Variants in EYS observed in about 807,000 individuals in gnomAD.
The protein encoded by EYS is protein eyes shut homolog.
In EYS, 250 loss-of-function variants were observed where a neutral mutation model predicts 282.1. The ratio of observed to expected loss-of-function variants is 0.89; its 90% CI spans 0.80 to 0.98. EYS has a LOEUF of 0.98. Among genes scored for constraint, EYS ranks in the 50% least tolerant of loss-of-function variants. The pLI is 0.00. For missense variants in EYS, 4,016 were observed against 3,709.0 expected (o/e 1.08, Z -2.15); for synonymous variants, 1,355 against 1,282.9 (o/e 1.06, Z -1.20).
chr6:64,188,936 A>G (rs1451656776), intron 31 of EYS, among the ~76,000 whole-genome samples: 1 of 152,162 alleles, frequency 6.6e-6, no homozygotes, highest in Non-Finnish European at 1.5e-5. Flanking sequence ...TCTAGAATTA[A>G]AGACCTAGAA....
chr6:64,360,469 G>A (rs1039053345), intron 29 of EYS, among the ~76,000 whole-genome samples: 2 of 151,682 alleles, frequency 1.3e-5, no homozygotes, highest in African/African-American at 4.8e-5. Flanking sequence ...TCTTGGGCTA[G>A]ACCTTCTTGG....
intron 14 of EYS, among the ~76,000 whole-genome samples, chr6:64,956,544 A>T (rs6455018): frequency 2.0e-5 from 3 of 151,880 alleles, no homozygotes; most frequent in African/African-American, 7.3e-5. Context: ...TTGAGCAATA[A>T]CCACAAGCAC....
chr6:65,311,707 C>G (rs1158904246), intron 11 of EYS, among the ~76,000 whole-genome samples: 1 of 152,226 alleles, frequency 6.6e-6, no homozygotes, highest in Non-Finnish European at 1.5e-5. Context: ...ATGTTGGAAG[C>G]AACCATGTGA....
At chr6:65,642,741 C>A (rs1271470924) in intron 1 of EYS, among the ~76,000 whole-genome samples, 2 of 152,176 alleles carry the variant, frequency 1.3e-5, no homozygotes, top group Non-Finnish European at 2.9e-5. Flanking sequence ...TCTTTTCTTA[C>A]AAGACCTGCA....
At chr6:64,213,766 C>T (rs919837614) in intron 31 of EYS, among the ~76,000 whole-genome samples, 1 of 152,012 alleles carries the variant, frequency 6.6e-6, no homozygotes, top group Non-Finnish European at 1.5e-5. Flanking sequence ...TGTAAATTAA[C>T]CTGATATATG....
chr6:64,363,832 A>G (rs564684962), intron 29 of EYS, among the ~76,000 whole-genome samples: 7 of 152,078 alleles, frequency 4.6e-5, no homozygotes, highest in African/African-American at 1.7e-4. Flanking sequence ...TCAAAATCAT[A>G]TTAAAATGTA....
rs145393416 is a variant in EYS, at chr6:65,369,877, T to A, written c.1299+14509A>T. ...TCTTCCTGATTCTGACTCTAACTAT[T>A]CCTTTTCAAAGATGTCTGCGACTCT... is the stretch of plus-strand genomic sequence containing the variant. On this transcript the variant is annotated intron_variant, in intron 8 of 42. Transcript: ENST00000503581. Among the ~76,000 whole-genome samples, 20 of 151,752 alleles carry A rather than the reference T, an allele frequency of 1.3e-4. No individual in the cohort carries two copies. The East Asian group carries it at 3.3e-3, about 25-fold the overall frequency.
At chr6:64,296,554 A>G (rs866695298) in intron 30 of EYS, among the ~76,000 whole-genome samples, 250 of 5,288 alleles carry the variant, frequency 0.047, 2 homozygotes, top group Non-Finnish European at 0.059. Flanking sequence ...ATATATATAT[A>G]TATATATATA....
chr6:64,031,739 T>C (rs1485362139), intron 33 of EYS, among the ~76,000 whole-genome samples: 2 of 151,882 alleles, frequency 1.3e-5, no homozygotes, highest in African/African-American at 4.9e-5. Flanking sequence ...AACTTTTGTG[T>C]GGTGACACGT....
intron 31 of EYS, among the ~76,000 whole-genome samples, chr6:64,131,938 A>G (rs561996573): frequency 2.0e-5 from 3 of 152,106 alleles, no homozygotes; most frequent in Admixed American, 1.3e-4. Context: ...GTGAAGGACT[A>G]TTTTCTTCCC....
intron 29 of EYS, among the ~76,000 whole-genome samples, chr6:64,309,086 C>T (rs534306695): frequency 5.3e-5 from 8 of 151,978 alleles, no homozygotes; most frequent in Non-Finnish European, 1.0e-4. Context: ...TATAAAAATG[C>T]TTTTGATTAT....
At chr6:64,014,749 C>T (rs968734610) in intron 33 of EYS, among the ~76,000 whole-genome samples, 3 of 151,346 alleles carry the variant, frequency 2.0e-5, no homozygotes, top group Non-Finnish European at 4.4e-5. Context: ...GTCTAAATAT[C>T]CTTTGGCTTG....
chr6:64,260,528 T>C (rs546171596), intron 30 of EYS, among the ~76,000 whole-genome samples: 109 of 152,152 alleles, frequency 7.2e-4, no homozygotes, highest in African/African-American at 2.5e-3. Context: ...GTAATGGAGG[T>C]ACTGTTAGAA....
chr6:64,020,165 T>C (rs1474093497), intron 33 of EYS, among the ~76,000 whole-genome samples: 2 of 152,100 alleles, frequency 1.3e-5, no homozygotes, highest in African/African-American at 2.4e-5. Flanking sequence ...GTAGGGTGAC[T>C]ATAGTTAACA....
At chr6:63,963,952 T>C (rs1337757108) in intron 35 of EYS, among the ~76,000 whole-genome samples, 1 of 152,186 alleles carries the variant, frequency 6.6e-6, no homozygotes, top group African/African-American at 2.4e-5. Context: ...TTATCTTCCA[T>C]CTGTAGGTGG....
intron 4 of EYS, among the ~76,000 whole-genome samples, chr6:65,494,271 T>C (rs895580419): frequency 1.3e-5 from 2 of 151,264 alleles, no homozygotes; most frequent in African/African-American, 2.4e-5. Flanking sequence ...ATTTATTTTA[T>C]TTTATTTTTA....
At chr6:63,932,799 A>G (rs1410665219) in intron 35 of EYS, among the ~76,000 whole-genome samples, 1 of 152,206 alleles carries the variant, frequency 6.6e-6, no homozygotes, top group African/African-American at 2.4e-5. Context: ...CTACTAATTC[A>G]ATTCAATTCT....
chr6:65,663,496 C>G (rs1768077781), intron 1 of EYS, among the ~76,000 whole-genome samples: 1 of 152,110 alleles, frequency 6.6e-6, no homozygotes, highest in African/African-American at 2.4e-5. Context: ...TTATCACTAG[C>G]AAATATAATG....
At chr6:65,245,978 A>T (rs1044122824) in intron 12 of EYS, among the ~76,000 whole-genome samples, 6 of 152,094 alleles carry the variant, frequency 3.9e-5, no homozygotes, top group Non-Finnish European at 5.9e-5. Context: ...CTGCCCCACC[A>T]ACCTTGTTGT....
Sources: allele counts gnomAD v4.1 joint callset (sites outside exome capture counted in the v4.1 genomes callset), GRCh38; gene constraint gnomAD v4.1.1; transcripts MANE v1.5; gene names NCBI Gene and HGNC (gene_info 2026-07-23, HGNC 2026-07-21).